The following EEF1E1 variants were observed in gnomAD, a reference collection of about 807,000 sequenced individuals.
The protein encoded by EEF1E1 is eukaryotic translation elongation factor 1 epsilon-1.
EEF1E1 carries 19 observed loss-of-function variants against 19.9 expected under a neutral mutation model. The observed-to-expected ratio is 0.95, with a 90% CI of 0.66 to 1.40. The LOEUF is 1.40. Ranked by LOEUF, EEF1E1 falls within the 40% of genes most tolerant of loss-of-function variation. The pLI is 0.00. For synonymous variants in EEF1E1, 81 were observed against 80.0 expected (o/e 1.01, Z -0.07); for missense variants, 198 against 202.2 (o/e 0.98, Z 0.13).
chr6:8,076,274 C>CT (rs1266141129), downstream of EEF1E1, among the ~76,000 whole-genome samples: 3 of 152,154 alleles, frequency 2.0e-5, no homozygotes, highest in Admixed American at 1.3e-4. Context: ...AGAGAAATCA[C>CT]TATCTATGGC....
chr6:8,101,779 C>G, intron 1 of EEF1E1: 1 of 1,289,348 alleles, frequency 7.8e-7, no homozygotes, highest in Non-Finnish European at 1.0e-6. Context: ...TGATGTTTCC[C>G]GCATTCACTG....
chr6:8,094,552 C>T (rs1561643877), intron 2 of EEF1E1, among the ~76,000 whole-genome samples: 1 of 142,186 alleles, frequency 7.0e-6, no homozygotes, highest in African/African-American at 2.6e-5. Context: ...GCCTGTGTGA[C>T]AGAGCAAGAC....
At chr6:8,097,228 C>T (rs1381261932) in intron 2 of EEF1E1, 39 bp downstream of exon 2, 2 of 1,577,886 alleles carry the variant, frequency 1.3e-6, no homozygotes, top group East Asian at 2.2e-5. Flanking sequence ...TTCTGATTAA[C>T]AGTTCATGCA....
Position 8,079,690 on chromosome 6 carries a change from A to G in EEF1E1, c.*200T>C. 1.6e-6 allele frequency: 2 copies of G among 1,270,010 alleles called. No homozygotes were observed. The highest frequency in any genetic ancestry group is 5.7e-5 in the East Asian group (2 of 34,910). The allele number at this position is 1,270,010 out of a possible 1,614,324, so 78.7% of individuals were successfully genotyped here. A position where few individuals can be genotyped will look rare whatever the true frequency, so the allele number is the denominator to read the frequency against. ...CTGGATCTCAACTTGTTTAATAGCAATTGAATTTTGACATAAAAATTGCAA... is the reference window on the plus strand; with the variant it reads ...CTGGATCTCAACTTGTTTAATAGCAGTTGAATTTTGACATAAAAATTGCAA... On this transcript the variant is annotated 3_prime_UTR_variant, in exon 4 of 4. Coordinates refer to ENST00000379715, the MANE Select transcript of EEF1E1 (RefSeq NM_004280.5).
downstream of EEF1E1, among the ~76,000 whole-genome samples, chr6:8,076,927 T>C (rs1326076524): frequency 1.2e-5 from 1 of 86,752 alleles, no homozygotes; most frequent in Non-Finnish European, 2.9e-5. Flanking sequence ...TGTAGCATGA[T>C]TTTTTTTGTT....
chr6:8,084,802 C>A (rs1038996448), intron 3 of EEF1E1, among the ~76,000 whole-genome samples: 1 of 152,220 alleles, frequency 6.6e-6, no homozygotes, highest in African/African-American at 2.4e-5. Context: ...ATGCTCACAG[C>A]AGCACAGTCT....
chr6:8,084,167 T>C (rs1365640810), intron 3 of EEF1E1, among the ~76,000 whole-genome samples: 2 of 152,228 alleles, frequency 1.3e-5, no homozygotes, highest in East Asian at 3.8e-4. Context: ...CTGGTCACTA[T>C]ATATGAAGAT....
chr6:8,092,809 G>A (rs1479486611), intron 2 of EEF1E1, among the ~76,000 whole-genome samples: 1 of 143,532 alleles, frequency 7.0e-6, no homozygotes, highest in Non-Finnish European at 1.5e-5. Flanking sequence ...TAACAGTTTT[G>A]TATATTTTTT....
intron 3 of EEF1E1, among the ~76,000 whole-genome samples, chr6:8,074,137 G>A (rs1337682426): frequency 6.6e-6 from 1 of 152,168 alleles, no homozygotes; most frequent in Non-Finnish European, 1.5e-5. Flanking sequence ...GTTAATACTG[G>A]ACCATACGTT....
downstream of EEF1E1, among the ~76,000 whole-genome samples, chr6:8,077,869 G>A (rs2744004): frequency 0.26 from 39,445 of 152,050 alleles, 5,969 homozygotes; most frequent in East Asian, 0.43. Flanking sequence ...ACGGCTCACT[G>A]CAACCTCAAC....
At chr6:8,076,603 A>T (rs1025257174), downstream of EEF1E1, among the ~76,000 whole-genome samples, 1 of 151,898 alleles carries the variant, frequency 6.6e-6, no homozygotes, top group African/African-American at 2.4e-5. Flanking sequence ...GATTACAGGC[A>T]TGAGCCACCA....
At chr6:8,091,603 C>T (rs1303494119) in intron 2 of EEF1E1, among the ~76,000 whole-genome samples, 4 of 152,112 alleles carry the variant, frequency 2.6e-5, no homozygotes, top group Admixed American at 6.6e-5. Context: ...AGCATGAATA[C>T]GTCAATTTCC....
chr6:8,089,481 G>A lies in EEF1E1; in HGVS notation c.384+705C>T, dbSNP rs373472604. On this transcript the variant is annotated intron_variant, in intron 3 of 3. Transcript: ENST00000379715. Reference sequence around the variant, plus strand: ...AAGAACTTGGGAGTCTGATGTTTGAGGGCAGAAAGCATCCAGCACGGGAGA... The same window carrying A: ...AAGAACTTGGGAGTCTGATGTTTGAAGGCAGAAAGCATCCAGCACGGGAGA... Among the ~76,000 whole-genome samples, 188 of 152,304 alleles carry A rather than the reference G, an allele frequency of 1.2e-3. 1 individual carries two copies. Among genetic ancestry groups the A allele is most frequent in the African/African-American group, 3.3e-3 (136 of 41,564 alleles).
chr6:8,091,392 T>C (rs1202665383), intron 2 of EEF1E1, among the ~76,000 whole-genome samples: 1 of 152,216 alleles, frequency 6.6e-6, no homozygotes, highest in East Asian at 1.9e-4. Flanking sequence ...ATTGGGTTTG[T>C]TTGTTGCTGA....
At chr6:8,097,102 G>T (rs1046302886) in intron 2 of EEF1E1, among the ~76,000 whole-genome samples, 165 bp downstream of exon 2, 3 of 152,310 alleles carry the variant, frequency 2.0e-5, no homozygotes, top group South Asian at 2.1e-4. Flanking sequence ...AGGGGCTGGT[G>T]GGGGGAACAG....
intron 1 of EEF1E1, among the ~76,000 whole-genome samples, chr6:8,100,937 T>G (rs537066327): frequency 6.8e-6 from 1 of 147,742 alleles, no homozygotes; most frequent in East Asian, 2.0e-4. Context: ...CTAAAAAATA[T>G]AAACTAGGCC....
rs138083016 is a variant in EEF1E1 at position 8,090,237 on chromosome 6, A to G, written c.333T>C (p.Tyr111=). ...YLEDKVYLTG[Y]NFTLADILLY... is the part of the protein sequence containing the mutation. Reference sequence around the variant, plus strand: ...ATAGTATATCTGCTAATGTAAAGTTATACCCTGTAAGGTAGACTTTATCTT... The same window carrying G: ...ATAGTATATCTGCTAATGTAAAGTTGTACCCTGTAAGGTAGACTTTATCTT... Residue 111 remains tyrosine (Y), a synonymous_variant, in exon 3 of 4, where the codon TAT becomes TAC. Coordinates refer to ENST00000379715, the MANE Select transcript of EEF1E1 (RefSeq NM_004280.5). 600 of 1,518,282 alleles carry G rather than the reference A, an allele frequency of 4.0e-4. 1 individual carries two copies. The highest frequency in any genetic ancestry group is 5.0e-4 in the Non-Finnish European group (568 of 1,142,474). The allele number at this position is 1,518,282 out of a possible 1,614,324, so 94.1% of individuals were successfully genotyped here.
At chr6:8,075,893 T>A (rs1361310771), downstream of EEF1E1, among the ~76,000 whole-genome samples, 1 of 152,222 alleles carries the variant, frequency 6.6e-6, no homozygotes, top group African/African-American at 2.4e-5. Context: ...AAATCCTTTG[T>A]TCTCATCTCT....
At chr6:8,077,223 A>G (rs190873609), downstream of EEF1E1, among the ~76,000 whole-genome samples, 355 of 152,298 alleles carry the variant, frequency 2.3e-3, 12 homozygotes, top group East Asian at 0.051. Flanking sequence ...GATTACAAGC[A>G]TGAGTCACTG....
Sources: allele counts gnomAD v4.1 joint callset (sites outside exome capture counted in the v4.1 genomes callset), GRCh38; gene constraint gnomAD v4.1.1; transcripts MANE v1.5; gene names NCBI Gene and HGNC (gene_info 2026-07-23, HGNC 2026-07-21).